DENND4A: variants seen among roughly 807,000 people sequenced by gnomAD.
DENND4A encodes C-myc promoter-binding protein.
DENND4A carries 70 observed loss-of-function variants against 199.3 expected under a neutral mutation model. The observed-to-expected ratio is 0.35, with a 90% confidence interval of 0.29 to 0.43. DENND4A has a LOEUF of 0.43. Among genes scored for constraint, DENND4A ranks in the 20% least tolerant of loss-of-function variants. The pLI, the probability that DENND4A is intolerant of heterozygous loss-of-function variation, is 1.00. For synonymous variants in DENND4A, 686 were observed against 766.9 expected (o/e 0.89, Z 1.74); for missense variants, 1,723 against 2,255.8 (o/e 0.76, Z 4.78).
intron 24 of DENND4A, among the ~76,000 whole-genome samples, chr15:65,674,375 T>A (rs2076306564): frequency 6.6e-6 from 1 of 152,204 alleles, no homozygotes; most frequent in South Asian, 2.1e-4. Context: ...TGACTAGACA[T>A]GGGCACGAGA....
chr15:65,726,633 G>A (rs1340474497), intron 11 of DENND4A, among the ~76,000 whole-genome samples: 1 of 152,180 alleles, frequency 6.6e-6, no homozygotes, highest in Non-Finnish European at 1.5e-5. Context: ...AGGCACTTGA[G>A]GTTGTGACAT....
At chr15:65,753,660 C>T (rs771035140) in intron 3 of DENND4A, among the ~76,000 whole-genome samples, 1 of 151,904 alleles carries the variant, frequency 6.6e-6, no homozygotes, top group Non-Finnish European at 1.5e-5. Context: ...TGCCTAGCTA[C>T]AAATTAAATA....
At chr15:65,712,186 A>G (rs1246704830) in intron 14 of DENND4A, among the ~76,000 whole-genome samples, 2 of 152,338 alleles carry the variant, frequency 1.3e-5, no homozygotes, top group African/African-American at 2.4e-5. Flanking sequence ...CACCAGAAAG[A>G]GTATTTCTCT....
Position 65,715,606 on chromosome 15 carries a change from C to G in DENND4A, c.1825G>C (p.Asp609His), listed in dbSNP as rs753563959. The G allele has an allele frequency of 6.4e-7, 1 of 1,564,158 alleles. No individual in the cohort carries two copies. Residue 609 changes from aspartate (D) to histidine (H), a missense_variant, in exon 14 of 33, where the codon GAC (aspartate) becomes CAC (histidine). Transcript: ENST00000443035. ...TTATAGAATTTTTGATGTGACCGGT[C>G]CCGGCTTCTTAAGAAAGCTGTTCAA... Reference protein sequence around the residue: ...FALQAFLRSRDRSHQKFYNMM... With the variant: ...FALQAFLRSRHRSHQKFYNMM...
intron 1 of DENND4A, among the ~76,000 whole-genome samples, chr15:65,764,642 A>T (rs1243015390): frequency 6.6e-6 from 1 of 152,022 alleles, no homozygotes; most frequent in Non-Finnish European, 1.5e-5. Flanking sequence ...AAAAAACCCA[A>T]TAATTAATTA....
intron 4 of DENND4A, among the ~76,000 whole-genome samples, chr15:65,748,464 T>C (rs2076471941): frequency 6.6e-6 from 1 of 151,420 alleles, no homozygotes; most frequent in African/African-American, 2.4e-5. Flanking sequence ...CAAAAAATTT[T>C]GAAAATTAGT....
At chr15:65,731,036 T>G (rs999048116) in intron 9 of DENND4A, among the ~76,000 whole-genome samples, 2 of 152,010 alleles carry the variant, frequency 1.3e-5, no homozygotes, top group African/African-American at 4.8e-5. Flanking sequence ...AGTGATGAAA[T>G]AATCTGCAAT....
chr15:65,741,879 A>T, intron 4 of DENND4A, 95 bp from the exon 5 acceptor site: 2 of 844,312 alleles, frequency 2.4e-6, no homozygotes, highest in South Asian at 4.6e-5. Flanking sequence ...GTATTATCTA[A>T]TATGTAGTAA....
At chr15:65,745,425 CTT>C (rs2076362160) in intron 4 of DENND4A, among the ~76,000 whole-genome samples, 1 of 151,992 alleles carries the variant, frequency 6.6e-6, no homozygotes, top group Non-Finnish European at 1.5e-5. Context: ...GAAATTTTCT[CTT>C]GATGGAAAAA....
At chr15:65,777,416 G>A (rs994774125) in intron 1 of DENND4A, among the ~76,000 whole-genome samples, 16 of 151,152 alleles carry the variant, frequency 1.1e-4, no homozygotes, top group African/African-American at 1.7e-4. Context: ...GCAGTGCCAC[G>A]ATCTCAGCTC....
At chr15:65,667,219 A>C (rs2076071142) in intron 29 of DENND4A, among the ~76,000 whole-genome samples, 1 of 152,110 alleles carries the variant, frequency 6.6e-6, no homozygotes, top group African/African-American at 2.4e-5. Flanking sequence ...AATCCCAGCT[A>C]CTTGGGAGGC....
intron 31 of DENND4A, 32 bp downstream of exon 31, chr15:65,664,528 G>A: frequency 6.3e-7 from 1 of 1,594,694 alleles, no homozygotes; most frequent in Non-Finnish European, 8.6e-7. Flanking sequence ...CTGCCTAGGA[G>A]AACAATATAT....
intron 25 of DENND4A, among the ~76,000 whole-genome samples, chr15:65,671,250 G>T (rs2141887824): frequency 6.6e-6 from 1 of 152,326 alleles, no homozygotes; most frequent in East Asian, 1.9e-4. Context: ...AAACCTTAAA[G>T]TAAGCATAGA....
At chr15:65,740,635 A>G (rs1008184079) in intron 5 of DENND4A, among the ~76,000 whole-genome samples, 4 of 142,022 alleles carry the variant, frequency 2.8e-5, no homozygotes, top group East Asian at 2.0e-4. Flanking sequence ...TCTTTAAAAG[A>G]AAAAAAAAAA....
At chr15:65,736,268 ATTTTTTT>A (rs1300989610) in intron 7 of DENND4A, among the ~76,000 whole-genome samples, 1 of 151,756 alleles carries the variant, frequency 6.6e-6, no homozygotes, top group Admixed American at 6.6e-5. Context: ...TTTATTTTTT[ATTTTTTT>A]GGAGATGGAG....
intron 23 of DENND4A, among the ~76,000 whole-genome samples, chr15:65,683,274 T>C (rs1200015484): frequency 6.6e-6 from 1 of 152,226 alleles, no homozygotes; most frequent in Non-Finnish European, 1.5e-5. Flanking sequence ...GTGATTGTGT[T>C]CTCTTTTTCT....
Position 65,702,365 on chromosome 15 carries a change from C to A in DENND4A, c.2370G>T (p.Leu790=). Reference sequence around the variant, plus strand: ...TTTTAAGCACATCATATGCTGTTTTCAGAGCCCTGACTTTTGAATGACAGA... The same window carrying A: ...TTTTAAGCACATCATATGCTGTTTTAAGAGCCCTGACTTTTGAATGACAGA... ...VKVCHSKVRA[L]KTAYDVLKKM... is the part of the protein sequence containing the mutation. The change falls in exon 17 of 33, where the codon CTG becomes CTT. Residue 790 remains leucine (L), a synonymous_variant. Transcript: ENST00000443035. 6.4e-7 allele frequency: 1 copy of A among 1,554,454 alleles called. No homozygotes were observed. Among genetic ancestry groups the A allele is most frequent in the South Asian group, 1.2e-5 (1 of 84,134 alleles).
intron 25 of DENND4A, among the ~76,000 whole-genome samples, chr15:65,670,407 G>C (rs887278585): frequency 6.6e-6 from 1 of 152,126 alleles, no homozygotes; most frequent in Non-Finnish European, 1.5e-5. Context: ...TTTTAAGTGA[G>C]GATTTTTTTC....
intron 11 of DENND4A, 27 bp downstream of exon 11, chr15:65,729,045 C>T (rs1365327463): frequency 1.9e-6 from 3 of 1,547,422 alleles, no homozygotes; most frequent in South Asian, 2.4e-5. Context: ...GTAAAATATA[C>T]ATGTAGAATC....
Sources: gnomAD v4.1 joint callset for allele counts (sites outside exome capture counted in the v4.1 genomes callset) on GRCh38, gnomAD v4.1.1 for gene constraint, MANE v1.5 for transcripts, NCBI Gene and HGNC (gene_info 2026-07-23, HGNC 2026-07-21) for gene names.